AFDN: variants seen among roughly 807,000 people sequenced by gnomAD.
AFDN encodes the protein afadin.
A neutral mutation model predicts 216.6 loss-of-function variants in AFDN; 68 were observed. That is an observed-to-expected ratio of 0.31 (90% CI 0.26 to 0.38). AFDN has a LOEUF of 0.38. AFDN is among the 10% of genes least tolerant of loss of function. The pLI is 1.00. For synonymous variants in AFDN, 868 were observed against 853.7 expected (o/e 1.02, Z -0.29); for missense variants, 2,136 against 2,342.0 (o/e 0.91, Z 1.82).
At position 167,889,424 on chromosome 6, in the gene AFDN, T is replaced by C; in HGVS notation, c.1009+98T>C. On this transcript the variant is annotated intron_variant, in intron 7 of 33. Transcript: ENST00000683244. ...ATGTAGGAGATGTGTACGTTAATGTTTTTGGATGGCCTTGTTGTTGTTGTT... is the reference window on the plus strand; with the variant it reads ...ATGTAGGAGATGTGTACGTTAATGTCTTTGGATGGCCTTGTTGTTGTTGTT... 3.6e-6 allele frequency: 3 copies of C among 843,150 alleles called. No homozygotes were observed. The East Asian group carries it at 7.7e-5, about 22-fold the overall frequency. 52.2% of individuals were successfully genotyped at this position (843,150 alleles called of 1,614,324 possible).
At chr6:167,963,612 A>G in intron 31 of AFDN, 1 of 1,058,786 alleles carries the variant, frequency 9.4e-7, no homozygotes, top group South Asian at 4.6e-5. Flanking sequence ...GAATAATGTA[A>G]GGACACTCAC....
intron 27 of AFDN, among the ~76,000 whole-genome samples, chr6:167,947,417 G>A (rs1256031825): frequency 6.6e-6 from 1 of 152,128 alleles, no homozygotes; most frequent in Non-Finnish European, 1.5e-5. Flanking sequence ...CTGACCTCGT[G>A]ATCTGCCCGC....
chr6:167,928,661 C>T (rs1792879018), intron 23 of AFDN, among the ~76,000 whole-genome samples: 1 of 152,188 alleles, frequency 6.6e-6, no homozygotes, highest in Non-Finnish European at 1.5e-5. Context: ...TCCAGGGAGC[C>T]CATGCTGCTT....
intron 31 of AFDN, chr6:167,963,504 T>A (rs1797240730): frequency 9.5e-7 from 1 of 1,054,194 alleles, no homozygotes; most frequent in Non-Finnish European, 1.1e-6. Flanking sequence ...AAAGAACTTG[T>A]AGGGAGTTTT....
At chr6:167,907,674 G>A (rs1271928301) in intron 13 of AFDN, among the ~76,000 whole-genome samples, 3 of 152,074 alleles carry the variant, frequency 2.0e-5, no homozygotes, top group East Asian at 3.9e-4. Flanking sequence ...TTAAAAATAT[G>A]TAAGATCAAA....
At position 167,948,332 on chromosome 6, in the gene AFDN, C is replaced by G; in HGVS notation, c.3685C>G (p.Pro1229Ala). ...PPPRPEAYPI[P>A]TQTYTREYFT... ...GCCTAGACCTGAAGCCTACCCCATCCCCACTCAGACGTACACCAGAGAGTA... is the reference window on the plus strand; with the variant it reads ...GCCTAGACCTGAAGCCTACCCCATCGCCACTCAGACGTACACCAGAGAGTA... Residue 1229 changes from proline to alanine, a missense_variant, in exon 29 of 34, where the codon CCC becomes GCC. By Grantham distance (27) the Pro-to-Ala change is conservative (BLOSUM62 -1). Around this residue, in one of 8 missense-constraint regions of AFDN, gnomAD observed 981 missense variants for 966.0 expected, o/e 1.02. Coordinates refer to ENST00000683244, the MANE Select transcript of AFDN (RefSeq NM_001386888.1). 1 of 1,614,086 alleles carries G rather than the reference C, an allele frequency of 6.2e-7. No individual in the cohort carries two copies. The highest frequency in any genetic ancestry group is 1.1e-5 in the South Asian group (1 of 91,062).
Position 167,946,848 on chromosome 6 carries a change from A to G in AFDN, c.3500A>G (p.Asp1167Gly). Residue 1167 changes from aspartate to glycine, a missense_variant, in exon 27 of 34, where the codon GAT becomes GGT. Asp to Gly is a moderately conservative substitution (Grantham distance 94). Around this residue, in one of 8 missense-constraint regions of AFDN, gnomAD observed 981 missense variants for 966.0 expected, o/e 1.02. Transcript: ENST00000683244. Reference sequence around the variant, plus strand: ...AGTGAACCAAAGAAATTGCCTGGTGATGACAGACTGATGAAAAATAGAGCT... The same window carrying G: ...AGTGAACCAAAGAAATTGCCTGGTGGTGACAGACTGATGAAAAATAGAGCT... Reference protein sequence around the residue: ...EYSEPKKLPGDDRLMKNRADH... With the variant: ...EYSEPKKLPGGDRLMKNRADH... 1.2e-6 allele frequency: 2 copies of G among 1,612,970 alleles called. No individual in the cohort carries two copies. The highest frequency in any genetic ancestry group is 1.7e-6 in the Non-Finnish European group (2 of 1,179,732).
At position 167,855,677 on chromosome 6, in the gene AFDN, G is replaced by A. The variant is rs184582018; in HGVS notation, c.106-8874G>A. 1.8e-4 allele frequency among the ~76,000 whole-genome samples: 28 copies of A among 152,100 alleles called. No individual in the cohort carries two copies. The East Asian group carries it at 4.8e-3, about 26-fold the overall frequency. On this transcript the variant is annotated intron_variant, in intron 1 of 33. Transcript: ENST00000683244. The stretch of plus-strand genomic sequence containing the variant: ...TTAACAACTGTGGTTGATTTTTCTC[G>A]GAGCTGGAATAACATCAGGAATTTT...
intron 13 of AFDN, among the ~76,000 whole-genome samples, chr6:167,910,002 T>C (rs1342462210): frequency 6.6e-6 from 1 of 152,202 alleles, no homozygotes; most frequent in East Asian, 1.9e-4. Flanking sequence ...ATACAGTGGG[T>C]AGCGAACTTA....
intron 1 of AFDN, among the ~76,000 whole-genome samples, chr6:167,859,954 C>G (rs1783354068): frequency 1.3e-5 from 2 of 150,646 alleles, no homozygotes; most frequent in South Asian, 4.2e-4. Context: ...GTTTTCCTGG[C>G]AGGAGAAATA....
In AFDN at chr6:167,969,121, C is replaced by T; in HGVS notation, c.5265C>T (p.Asn1755=). The T allele has an allele frequency of 6.2e-7, 1 of 1,613,370 alleles. No individual in the cohort carries two copies. The highest frequency in any genetic ancestry group is 1.1e-5 in the South Asian group (1 of 91,076). ...EEEDCSLAGP[N]SYPGSTGAAV... ...GTTTCTTTCATGGAAAAGGACCAAA[C>T]TCTTACCCAGGATCTACTGGAGCAG... is the stretch of plus-strand genomic sequence containing the variant. Residue 1755 remains asparagine, a synonymous_variant, in exon 33 of 34, where the codon AAC becomes AAT. Coordinates refer to ENST00000683244, the MANE Select transcript of AFDN (RefSeq NM_001386888.1).
At chr6:167,836,256 A>G (rs1418871856) in intron 1 of AFDN, among the ~76,000 whole-genome samples, 3 of 152,148 alleles carry the variant, frequency 2.0e-5, no homozygotes, top group Non-Finnish European at 4.4e-5. Context: ...GTGGCGTCTC[A>G]TGTATTCAGC....
At chr6:167,866,414 C>T (rs181028014) in intron 2 of AFDN, among the ~76,000 whole-genome samples, 7 of 152,140 alleles carry the variant, frequency 4.6e-5, no homozygotes, top group Admixed American at 3.9e-4. Flanking sequence ...GAAACCTTAG[C>T]GTCTCAGTCA....
chr6:167,828,854 T>A (rs1425104890), intron 1 of AFDN, among the ~76,000 whole-genome samples: 1 of 151,572 alleles, frequency 6.6e-6, no homozygotes, highest in East Asian at 1.9e-4. Flanking sequence ...TTCAGCTTTT[T>A]GGGATTTTGA....
chr6:167,958,649 T>C (rs1189616438), intron 30 of AFDN, among the ~76,000 whole-genome samples: 1 of 152,238 alleles, frequency 6.6e-6, no homozygotes, highest in Non-Finnish European at 1.5e-5. Flanking sequence ...TTCTGCTGCT[T>C]TCCTTACATG....
intron 1 of AFDN, among the ~76,000 whole-genome samples, chr6:167,831,704 G>A (rs1779848414): frequency 6.6e-6 from 1 of 152,200 alleles, no homozygotes; most frequent in Non-Finnish European, 1.5e-5. Context: ...TTGAAAAACA[G>A]GGATCATAAA....
chr6:167,872,949 A>G (rs978128757), intron 4 of AFDN, among the ~76,000 whole-genome samples: 1 of 152,218 alleles, frequency 6.6e-6, no homozygotes, highest in Non-Finnish European at 1.5e-5. Flanking sequence ...TTTTTACTAT[A>G]ACAAAAAGAG....
intron 19 of AFDN, 122 bp downstream of exon 19, chr6:167,915,555 T>C: frequency 8.5e-7 from 1 of 1,176,078 alleles, no homozygotes; most frequent in East Asian, 2.5e-5. Context: ...TTTTCGTATG[T>C]ACAAATAATG....
Position 167,965,863 on chromosome 6 carries a change from G to A in AFDN, c.5075G>A (p.Arg1692His), listed in dbSNP as rs765256204. 1.1e-5 allele frequency: 17 copies of A among 1,548,840 alleles called. No homozygotes were observed. The Admixed American group carries it at 1.4e-4, about 13-fold the overall frequency. ...LLEPEAPGLC[R>H]PPLPRDYEPP... is the part of the protein sequence containing the mutation. The stretch of plus-strand genomic sequence containing the variant: ...GAGCCCGAGGCGCCCGGTCTGTGCC[G>A]CCCTCCGCTTCCCCGGGACTACGAG... The change falls in exon 32 of 34, where the codon CGC becomes CAC. Residue 1692 changes from arginine to histidine, a missense_variant. By Grantham distance (29) the Arg-to-His change is conservative. Around this residue, in one of 8 missense-constraint regions of AFDN, gnomAD observed 981 missense variants for 966.0 expected, o/e 1.02. Transcript: ENST00000683244.
Sources: allele counts gnomAD v4.1 joint callset (sites outside exome capture counted in the v4.1 genomes callset), GRCh38; gene constraint gnomAD v4.1.1; regional missense constraint gnomAD v4.1.1; transcripts MANE v1.5; gene names NCBI Gene and HGNC (gene_info 2026-07-23, HGNC 2026-07-21).